The following HIBCH variants were observed in gnomAD, a reference collection of about 807,000 sequenced individuals.
HIBCH encodes the protein 3-hydroxyisobutyryl-CoA hydrolase, mitochondrial.
In HIBCH, 50 loss-of-function variants were observed where a neutral mutation model predicts 58.2. The ratio of observed to expected loss-of-function variants is 0.86; its 90% CI spans 0.68 to 1.09. The LOEUF (loss-of-function observed/expected upper bound fraction) is 1.09. Among genes scored for constraint, HIBCH ranks in the 50% least tolerant of loss-of-function variants. The pLI is 0.00. For missense variants in HIBCH, 450 were observed against 449.7 expected, an observed-to-expected ratio of 1.00 and a Z score of -0.01; for synonymous variants, 151 against 146.9, an observed-to-expected ratio of 1.03 and a Z score of -0.20.
At chr2:190,242,662 A>G (rs1686485562) in intron 11 of HIBCH, among the ~76,000 whole-genome samples, 1 of 152,054 alleles carries the variant, frequency 6.6e-6, no homozygotes, top group Non-Finnish European at 1.5e-5. Context: ...GGGAATACAG[A>G]ATGGGTAGTA....
chr2:190,288,577 C>A (rs1404524576), intron 5 of HIBCH, among the ~76,000 whole-genome samples: 1 of 151,036 alleles, frequency 6.6e-6, no homozygotes, highest in Admixed American at 6.6e-5. Flanking sequence ...GGGATATAAT[C>A]ATAATATTGG....
chr2:190,194,402 T>TA (rs1553490408), intron 1 of HIBCH, among the ~76,000 whole-genome samples: 1 of 150,996 alleles, frequency 6.6e-6, no homozygotes, highest in Non-Finnish European at 1.5e-5. Context: ...AAAAAAATAA[T>TA]AGACTGTTTT....
chr2:190,245,028 C>A (rs758213487), intron 10 of HIBCH, 60 bp from the exon 11 acceptor site: 6 of 1,059,202 alleles, frequency 5.7e-6, no homozygotes, highest in Non-Finnish European at 8.9e-6. Context: ...TTCTAACATA[C>A]GATGAATCTG....
In HIBCH at chr2:190,306,724, A is replaced by C. The variant is rs1688417956; in HGVS notation, c.78+4030T>G. On this transcript the variant is annotated intron_variant, in intron 2 of 13. Coordinates refer to ENST00000359678, the MANE Select transcript of HIBCH (RefSeq NM_014362.4). The surrounding 1 kb of genome is among the most constrained non-coding windows in gnomAD (Gnocchi z 4.6). ...ACTATTAGCTTGTATAGTACTACAG[A>C]CTGAATGCTTGCATCCTTCCAAAAT... Among the ~76,000 whole-genome samples, 1 of 152,222 alleles carries C rather than the reference A, an allele frequency of 6.6e-6. No individual in the cohort carries two copies. Among genetic ancestry groups the C allele is most frequent in the South Asian group, 2.1e-4 (1 of 4,830 alleles).
In HIBCH at chr2:190,254,359, CCA is replaced by C. The variant is rs888602525; in HGVS notation, c.518-2054_518-2053del. 3.9e-5 allele frequency among the ~76,000 whole-genome samples: 6 copies of C among 152,130 alleles called. No individual in the cohort carries two copies. The highest frequency in any genetic ancestry group is 1.2e-4 in the African/African-American group (5 of 41,422). On this transcript the variant is annotated intron_variant, in intron 7 of 13. Transcript: ENST00000359678. The surrounding 1 kb of genome is among the most constrained non-coding windows in gnomAD (Gnocchi z 5.0). Reference sequence around the variant, plus strand: ...GAGCAAGAAGGCAGCAGTCTATTAGCCACAGAGAGAGGGCTCAAGAGAACCAT... The same window carrying C: ...GAGCAAGAAGGCAGCAGTCTATTAGCCAGAGAGAGGGCTCAAGAGAACCAT...
intron 5 of HIBCH, among the ~76,000 whole-genome samples, 172 bp from the exon 6 acceptor site, chr2:190,287,810 C>A (rs944048641): frequency 3.3e-5 from 5 of 152,104 alleles, no homozygotes; most frequent in African/African-American, 1.2e-4. Context: ...AAATGTCAAT[C>A]CAACACAATC....
chr2:190,266,550 C>CA (rs951545656), intron 6 of HIBCH, among the ~76,000 whole-genome samples: 3 of 152,022 alleles, frequency 2.0e-5, no homozygotes, highest in Admixed American at 6.6e-5. Context: ...TCTCCTGCCT[C>CA]GGCCTCCGGA....
At chr2:190,208,465 C>T (rs948448347) in intron 13 of HIBCH, among the ~76,000 whole-genome samples, 1 of 152,200 alleles carries the variant, frequency 6.6e-6, no homozygotes, top group Non-Finnish European at 1.5e-5. Flanking sequence ...AATTAGGAAA[C>T]AGTGGCCAAG....
intron 11 of HIBCH, chr2:190,213,339 C>T: frequency 2.4e-6 from 1 of 425,112 alleles, no homozygotes; most frequent in Non-Finnish European, 4.3e-6. Flanking sequence ...ATAAATTATG[C>T]CAATTGGCTA....
At chr2:190,212,817 T>G (rs1340798055) in intron 12 of HIBCH, 139 bp downstream of exon 12, 2 of 706,404 alleles carry the variant, frequency 2.8e-6, no homozygotes, top group Non-Finnish European at 4.7e-6. Flanking sequence ...TAAAACTAAC[T>G]GGCCTGTTGT....
rs1690432156 is a variant in HIBCH, at chr2:190,207,985, G to C, written c.1045+895C>G. 6.6e-6 allele frequency among the ~76,000 whole-genome samples: 1 copy of C among 152,160 alleles called. No individual in the cohort carries two copies. The highest frequency in any genetic ancestry group is 1.5e-5 in the Non-Finnish European group (1 of 68,020). On this transcript the variant is annotated intron_variant, in intron 13 of 13. Coordinates refer to ENST00000359678, the MANE Select transcript of HIBCH (RefSeq NM_014362.4). This position sits in a 1 kb window ranked among gnomAD's most constrained non-coding sequence, Gnocchi z 4.5. ...ACATTAGATATGCAAAATACATGCAGAGGGAACAACTCATTTTATACAACA... is the reference window on the plus strand; with the variant it reads ...ACATTAGATATGCAAAATACATGCACAGGGAACAACTCATTTTATACAACA...
chr2:190,263,636 G>A (rs1011951732), intron 6 of HIBCH, among the ~76,000 whole-genome samples: 5 of 152,044 alleles, frequency 3.3e-5, no homozygotes, highest in African/African-American at 7.2e-5. Context: ...GCTATTTAAC[G>A]TCTCGTCTTG....
chr2:190,296,706 GC>G, intron 3 of HIBCH, 106 bp downstream of exon 3: 2 of 1,014,122 alleles, frequency 2.0e-6, no homozygotes, highest in Non-Finnish European at 3.1e-6. Context: ...TTACTTAGAT[GC>G]ATATCCCAGA....
intron 2 of HIBCH, among the ~76,000 whole-genome samples, chr2:190,300,510 G>C (rs760539131): frequency 6.6e-6 from 1 of 151,448 alleles, no homozygotes. Context: ...ATTTTTTAAT[G>C]GGGTTGTTTT....
At chr2:190,253,496 C>G (rs1288963494) in intron 7 of HIBCH, among the ~76,000 whole-genome samples, 1 of 152,104 alleles carries the variant, frequency 6.6e-6, no homozygotes, top group Non-Finnish European at 1.5e-5. Flanking sequence ...GCGCCAGTCC[C>G]ACAATCTTCC....
Position 190,205,188 on chromosome 2 carries a change from G to C in HIBCH, c.1090C>G (p.Leu364Val). Residue 364 changes from leucine to valine, a missense_variant, in exon 14 of 14, where the codon CTA (leucine) becomes GTA (valine). Coordinates refer to ENST00000359678, the MANE Select transcript of HIBCH (RefSeq NM_014362.4). ...DQSPKWKPAD[L>V]KEVTEEDLNN... The stretch of plus-strand genomic sequence containing the variant: ...AAATCTTCCTCAGTAACTTCTTTTA[G>C]ATCAGCTGGTTTCCATTTTGGACTC... 6.2e-7 allele frequency: 1 copy of C among 1,610,362 alleles called. No individual in the cohort carries two copies. The highest frequency in any genetic ancestry group is 8.5e-7 in the Non-Finnish European group (1 of 1,177,056).
intron 3 of HIBCH, 99 bp downstream of exon 3, chr2:190,296,714 C>G: frequency 8.8e-7 from 1 of 1,130,514 alleles, no homozygotes; most frequent in Non-Finnish European, 1.3e-6. Flanking sequence ...ATGCATATCC[C>G]AGAGAATTAT....
Position 190,207,147 on chromosome 2 carries a change from G to A in HIBCH, c.1045+1733C>T, listed in dbSNP as rs958962316. Reference sequence around the variant, plus strand: ...AAAAAACAAAACAAAACAAAAAAAAGTCGTATAATAAGCACTTCCTTTATG... The same window carrying A: ...AAAAAACAAAACAAAACAAAAAAAAATCGTATAATAAGCACTTCCTTTATG... On this transcript the variant is annotated intron_variant, in intron 13 of 13. Coordinates refer to ENST00000359678, the MANE Select transcript of HIBCH (RefSeq NM_014362.4). This position sits in a 1 kb window ranked among gnomAD's most constrained non-coding sequence, Gnocchi z 4.5. Among the ~76,000 whole-genome samples, 3 of 151,872 alleles carry A rather than the reference G, an allele frequency of 2.0e-5. No individual in the cohort carries two copies. The highest frequency in any genetic ancestry group is 2.9e-5 in the Non-Finnish European group (2 of 67,966).
intron 2 of HIBCH, among the ~76,000 whole-genome samples, chr2:190,308,604 G>A (rs191343588): frequency 7.2e-5 from 11 of 152,188 alleles, no homozygotes; most frequent in Admixed American, 7.2e-4. Context: ...GTCCTATACC[G>A]CCTTAGGACT....
Sources: allele counts gnomAD v4.1 joint callset (sites outside exome capture counted in the v4.1 genomes callset), GRCh38; gene constraint gnomAD v4.1.1; non-coding constraint Gnocchi (gnomAD v3.1); transcripts MANE v1.5; gene names NCBI Gene and HGNC (gene_info 2026-07-23, HGNC 2026-07-21).